The following ZSWIM6 variants were observed in gnomAD, a reference collection of about 807,000 sequenced individuals.
ZSWIM6 encodes zinc finger SWIM-type containing 6.
In ZSWIM6, 9 loss-of-function variants were observed where a neutral mutation model predicts 113.2. The ratio of observed to expected loss-of-function variants is 0.08; its 90% CI spans 0.05 to 0.14. The LOEUF is 0.14. Ranked by LOEUF, ZSWIM6 falls within the 10% of genes least tolerant of loss-of-function variation. The pLI, the probability that ZSWIM6 is intolerant of heterozygous loss-of-function variation, is 1.00. For missense variants in ZSWIM6, 1,162 were observed against 1,552.2 expected (o/e 0.75, Z 4.22); for synonymous variants, 611 against 606.5 (o/e 1.01, Z -0.11).
At chr5:61,358,583 C>A (rs1744969364) in intron 1 of ZSWIM6, among the ~76,000 whole-genome samples, 1 of 152,184 alleles carries the variant, frequency 6.6e-6, no homozygotes, top group African/African-American at 2.4e-5. Context: ...TTTAAAAGTT[C>A]TGTGTTTTCA....
intron 1 of ZSWIM6, among the ~76,000 whole-genome samples, chr5:61,400,997 T>C (rs985634402): frequency 3.3e-5 from 5 of 152,242 alleles, no homozygotes; most frequent in Non-Finnish European, 7.3e-5. Context: ...CTCAGTTTGT[T>C]TTCTCATTAA....
chr5:61,382,333 A>G lies in ZSWIM6; in HGVS notation c.676+49385A>G, dbSNP rs545183969. Among the ~76,000 whole-genome samples, 13 of 152,318 alleles carry G rather than the reference A, an allele frequency of 8.5e-5. No homozygotes were observed. In the South Asian group the frequency reaches 2.7e-3, roughly 32 times the overall value. ...TGCTGCCCCTTGGCATGGTACTCTG[A>G]TCAACATTTATAATCTTAAGATGCA... On this transcript the variant is annotated intron_variant, in intron 1 of 13. Coordinates refer to ENST00000252744, the MANE Select transcript of ZSWIM6 (RefSeq NM_020928.2).
intron 1 of ZSWIM6, among the ~76,000 whole-genome samples, chr5:61,355,938 T>C (rs1180129124): frequency 6.6e-6 from 1 of 152,254 alleles, no homozygotes; most frequent in Non-Finnish European, 1.5e-5. Flanking sequence ...TTTTAATTAG[T>C]GCTAGTCTCT....
intron 1 of ZSWIM6, among the ~76,000 whole-genome samples, chr5:61,460,955 C>T (rs191356503): frequency 4.6e-5 from 7 of 152,112 alleles, no homozygotes; most frequent in Admixed American, 4.6e-4. Flanking sequence ...CTTTATACAG[C>T]TGGAAATTTT....
At chr5:61,362,018 T>C (rs79721460) in intron 1 of ZSWIM6, among the ~76,000 whole-genome samples, 2,497 of 152,312 alleles carry the variant, frequency 0.016, 53 homozygotes, top group African/African-American at 0.054. Context: ...ACATCCTCTC[T>C]TGGTATACAG....
intron 1 of ZSWIM6, among the ~76,000 whole-genome samples, chr5:61,365,579 T>C (rs1199492847): frequency 1.3e-5 from 2 of 152,184 alleles, no homozygotes; most frequent in Non-Finnish European, 2.9e-5. Flanking sequence ...TTTTGTATGA[T>C]CCTTCCATTT....
At chr5:61,468,565 A>G (rs1344429501) in intron 1 of ZSWIM6, among the ~76,000 whole-genome samples, 2 of 152,232 alleles carry the variant, frequency 1.3e-5, no homozygotes, top group Non-Finnish European at 2.9e-5. Flanking sequence ...CTGCATTTGC[A>G]GCCCTAAAAC....
intron 1 of ZSWIM6, among the ~76,000 whole-genome samples, chr5:61,470,505 T>C (rs1747543367): frequency 6.6e-6 from 1 of 152,216 alleles, no homozygotes; most frequent in Admixed American, 6.5e-5. Flanking sequence ...TCATTATTCT[T>C]CATTTTTGAG....
intron 4 of ZSWIM6, among the ~76,000 whole-genome samples, chr5:61,501,797 C>A (rs979130595): frequency 5.3e-5 from 8 of 152,202 alleles, no homozygotes; most frequent in Non-Finnish European, 1.0e-4. Flanking sequence ...CTACTTACAG[C>A]ATTAGTCCAT....
intron 1 of ZSWIM6, among the ~76,000 whole-genome samples, chr5:61,420,882 G>A (rs1021532370): frequency 7.3e-5 from 11 of 151,390 alleles, no homozygotes; most frequent in African/African-American, 2.4e-4. Context: ...TAGTCACCCT[G>A]CTGTGCTAAC....
In ZSWIM6 at chr5:61,494,925, A is replaced by G. The variant is rs868481076; in HGVS notation, c.1333+515A>G. On this transcript the variant is annotated intron_variant, in intron 4 of 13. Coordinates refer to ENST00000252744, the MANE Select transcript of ZSWIM6 (RefSeq NM_020928.2). ...ATTGCTTCCTAAATTCCTGGTGGTT[A>G]AAGATACAAATATAGCAAGTGTTCA... is the stretch of plus-strand genomic sequence containing the variant. Among the ~76,000 whole-genome samples, 60 of 152,278 alleles carry G rather than the reference A, an allele frequency of 3.9e-4. No homozygotes were observed. The Middle Eastern group carries it at 0.017, about 43-fold the overall frequency.
chr5:61,411,096 A>G (rs1746141144), intron 1 of ZSWIM6, among the ~76,000 whole-genome samples: 1 of 152,206 alleles, frequency 6.6e-6, no homozygotes, highest in Admixed American at 6.5e-5. Context: ...GAAGCACTGC[A>G]GCAAAGTCGC....
At chr5:61,513,147 T>A (rs1748833376) in intron 4 of ZSWIM6, among the ~76,000 whole-genome samples, 1 of 152,088 alleles carries the variant, frequency 6.6e-6, no homozygotes, top group Non-Finnish European at 1.5e-5. Flanking sequence ...GCACCCAAAC[T>A]CCTGGCTACC....
chr5:61,356,392 C>T (rs1290336801), intron 1 of ZSWIM6, among the ~76,000 whole-genome samples: 2 of 151,988 alleles, frequency 1.3e-5, no homozygotes, highest in African/African-American at 2.4e-5. Flanking sequence ...GAGTTATTTA[C>T]AATGAGTTAG....
chr5:61,443,635 A>G (rs1746884422), intron 1 of ZSWIM6, among the ~76,000 whole-genome samples: 1 of 152,208 alleles, frequency 6.6e-6, no homozygotes, highest in Non-Finnish European at 1.5e-5. Context: ...TGGTGTCCAT[A>G]AAATAGTCAT....
chr5:61,382,113 T>C (rs186658744), intron 1 of ZSWIM6, among the ~76,000 whole-genome samples: 2 of 152,342 alleles, frequency 1.3e-5, no homozygotes, highest in Admixed American at 1.3e-4. Flanking sequence ...ATCATGTTCA[T>C]CTGATAGACA....
intron 2 of ZSWIM6, among the ~76,000 whole-genome samples, chr5:61,475,374 A>G (rs190838231): frequency 3.9e-4 from 59 of 152,292 alleles, no homozygotes; most frequent in African/African-American, 1.1e-3. Context: ...TTTTCAATCT[A>G]TTTTGAAATA....
At chr5:61,491,607 GT>G in intron 3 of ZSWIM6, among the ~76,000 whole-genome samples, 1 of 152,062 alleles carries the variant, frequency 6.6e-6, no homozygotes, top group Non-Finnish European at 1.5e-5. Context: ...GAAGCTGTGT[GT>G]TTTGTTTATA....
chr5:61,419,661 C>T (rs1477417872), intron 1 of ZSWIM6, among the ~76,000 whole-genome samples: 1 of 152,140 alleles, frequency 6.6e-6, no homozygotes, highest in Non-Finnish European at 1.5e-5. Context: ...AGAACATTTC[C>T]ATCATTGTAG....
Sources: allele counts gnomAD v4.1 joint callset (sites outside exome capture counted in the v4.1 genomes callset), GRCh38; gene constraint gnomAD v4.1.1; transcripts MANE v1.5; gene names NCBI Gene and HGNC (gene_info 2026-07-23, HGNC 2026-07-21).